Variants in PITPNC1 observed in about 807,000 individuals in gnomAD.
PITPNC1 encodes the protein cytoplasmic phosphatidylinositol transfer protein 1.
PITPNC1 carries 18 observed loss-of-function variants against 44.7 expected under a neutral mutation model. That is an observed-to-expected ratio of 0.40 (90% confidence interval 0.28 to 0.60). PITPNC1 has a LOEUF of 0.60. PITPNC1 is among the 20% of genes least tolerant of loss of function. The probability of loss-of-function intolerance (pLI) is 0.39; values close to 1 mark genes in which losing one functional copy is unlikely to be tolerated. For synonymous variants in PITPNC1, 141 were observed against 149.6 expected, an observed-to-expected ratio of 0.94 and a Z score of 0.42; for missense variants, 290 against 418.4, an observed-to-expected ratio of 0.69 and a Z score of 2.68.
chr17:67,697,101 A>G lies in PITPNC1; in HGVS notation c.*4213A>G, dbSNP rs1299204476. 6.6e-6 allele frequency: 1 copy of G among 152,124 alleles called. No individual in the cohort carries two copies. Among genetic ancestry groups the G allele is most frequent in the Non-Finnish European group, 1.5e-5 (1 of 68,008 alleles). 9.4% of individuals were successfully genotyped at this position (152,124 alleles called of 1,614,324 possible). A position where few individuals can be genotyped will look rare whatever the true frequency, so the allele number is the denominator to read the frequency against. On this transcript the variant is annotated 3_prime_UTR_variant, in exon 9 of 9. Transcript: ENST00000581322. Reference sequence around the variant, plus strand: ...CAGGTGTTGGAATACACAGCATTACAGACTATAAGCAAAGCAAACAAAAGT... The same window carrying G: ...CAGGTGTTGGAATACACAGCATTACGGACTATAAGCAAAGCAAACAAAAGT...
At chr17:67,477,596 T>C (rs1598722807) in intron 1 of PITPNC1, among the ~76,000 whole-genome samples, 1 of 151,712 alleles carries the variant, frequency 6.6e-6, no homozygotes, top group African/African-American at 2.4e-5. Flanking sequence ...GACAGGGTCT[T>C]GCTATGTTGC....
At chr17:67,388,600 A>G (rs941471108) in intron 1 of PITPNC1, among the ~76,000 whole-genome samples, 2 of 150,346 alleles carry the variant, frequency 1.3e-5, no homozygotes, top group African/African-American at 2.5e-5. Context: ...GATTACAGGC[A>G]TGAGCCACTG....
chr17:67,684,150 C>T (rs1375245875), intron 8 of PITPNC1, among the ~76,000 whole-genome samples: 1 of 138,244 alleles, frequency 7.2e-6, no homozygotes, highest in East Asian at 2.1e-4. Flanking sequence ...CTTGCTCTGT[C>T]GCCCAGGCTG....
chr17:67,407,128 T>A (rs2038412545), intron 1 of PITPNC1, among the ~76,000 whole-genome samples: 1 of 152,174 alleles, frequency 6.6e-6, no homozygotes, highest in Non-Finnish European at 1.5e-5. Flanking sequence ...CATTCCCACC[T>A]ACAGTGTACG....
At chr17:67,550,697 C>T (rs1407318113) in intron 2 of PITPNC1, among the ~76,000 whole-genome samples, 1 of 151,966 alleles carries the variant, frequency 6.6e-6, no homozygotes, top group African/African-American at 2.4e-5. Context: ...AGCTATAGGC[C>T]CCAGAGTAGA....
intron 1 of PITPNC1, among the ~76,000 whole-genome samples, chr17:67,518,011 T>C (rs1456144395): frequency 6.6e-6 from 1 of 152,196 alleles, no homozygotes; most frequent in East Asian, 1.9e-4. Flanking sequence ...AAGGAAAACA[T>C]GAAAAATGCA....
chr17:67,694,145 A>C lies in PITPNC1; in HGVS notation c.*1257A>C, dbSNP rs570526727. 4 of 152,352 alleles carry C rather than the reference A, an allele frequency of 2.6e-5. No individual in the cohort carries two copies. The East Asian group carries it at 7.7e-4, about 29-fold the overall frequency. The allele number at this position is 152,352 out of a possible 1,614,324, so 9.4% of individuals were successfully genotyped here. A position where few individuals can be genotyped will look rare whatever the true frequency, so the allele number is the denominator to read the frequency against. On this transcript the variant is annotated 3_prime_UTR_variant, in exon 9 of 9. Coordinates refer to ENST00000581322, the MANE Select transcript of PITPNC1 (RefSeq NM_012417.4). ...TTAGAATCAAGGTTGACAGGAGGCAAGGTCACTCACTGAAGTGACAGAAAG... is the reference window on the plus strand; with the variant it reads ...TTAGAATCAAGGTTGACAGGAGGCACGGTCACTCACTGAAGTGACAGAAAG...
chr17:67,427,694 G>A (rs2143886214), intron 1 of PITPNC1, among the ~76,000 whole-genome samples: 1 of 152,262 alleles, frequency 6.6e-6, no homozygotes, highest in African/African-American at 2.4e-5. Flanking sequence ...CACTCCTACA[G>A]CTAAAAATAA....
chr17:67,426,100 T>G (rs568960975), intron 1 of PITPNC1, among the ~76,000 whole-genome samples: 1 of 152,308 alleles, frequency 6.6e-6, no homozygotes, highest in African/African-American at 2.4e-5. Context: ...GAAATTCTTT[T>G]GAATATAAAT....
At chr17:67,661,887 T>C (rs1339626813) in intron 6 of PITPNC1, among the ~76,000 whole-genome samples, 3 of 151,672 alleles carry the variant, frequency 2.0e-5, no homozygotes, top group Non-Finnish European at 4.4e-5. Context: ...TCCAGTTACT[T>C]GGGAGGCTGA....
chr17:67,594,649 C>G (rs887046922), intron 5 of PITPNC1, among the ~76,000 whole-genome samples: 1 of 152,178 alleles, frequency 6.6e-6, no homozygotes, highest in Non-Finnish European at 1.5e-5. Context: ...CTTGGCACAG[C>G]TCTGTTCCAA....
intron 1 of PITPNC1, among the ~76,000 whole-genome samples, chr17:67,522,021 G>T (rs763608318): frequency 6.6e-6 from 1 of 152,004 alleles, no homozygotes; most frequent in Admixed American, 6.6e-5. Context: ...AAGACCTCTC[G>T]GGCTGGGCAT....
chr17:67,584,794 AG>A (rs1233006878), intron 5 of PITPNC1, among the ~76,000 whole-genome samples: 1 of 152,186 alleles, frequency 6.6e-6, no homozygotes, highest in East Asian at 1.9e-4. Flanking sequence ...CATTAGGAGA[AG>A]GATCGGGGAT....
At chr17:67,427,490 G>A (rs1009550488) in intron 1 of PITPNC1, among the ~76,000 whole-genome samples, 3 of 152,228 alleles carry the variant, frequency 2.0e-5, no homozygotes, top group Non-Finnish European at 4.4e-5. Context: ...GGTATTACAG[G>A]CATGAGCCAC....
Position 67,565,336 on chromosome 17 carries a change from G to GT in PITPNC1, c.294+11725dup, listed in dbSNP as rs1385875229. 3.6e-5 allele frequency among the ~76,000 whole-genome samples: 5 copies of GT among 140,238 alleles called. No homozygotes were observed. The East Asian group carries it at 8.5e-4, about 24-fold the overall frequency. The allele number at this position is 140,238 out of a possible 152,430, so 92.0% of individuals were successfully genotyped here. A position where few individuals can be genotyped will look rare whatever the true frequency, so the allele number is the denominator to read the frequency against. ...TCAGTGTGTATACTAGTTTTTCCAT[G>GT]TTTTTTCAGTGTGTATACTTGTTTT... is the stretch of plus-strand genomic sequence containing the variant. On this transcript the variant is annotated intron_variant, in intron 4 of 8. Coordinates refer to ENST00000581322, the MANE Select transcript of PITPNC1 (RefSeq NM_012417.4).
At chr17:67,435,816 T>C (rs1217897904) in intron 1 of PITPNC1, among the ~76,000 whole-genome samples, 9 of 152,028 alleles carry the variant, frequency 5.9e-5, no homozygotes, top group South Asian at 2.1e-4. Flanking sequence ...CATGCCACTG[T>C]ACTCCAGCCT....
chr17:67,511,717 C>T (rs191208073), intron 1 of PITPNC1, among the ~76,000 whole-genome samples: 2 of 152,266 alleles, frequency 1.3e-5, no homozygotes, highest in Admixed American at 1.3e-4. Context: ...GCATGTTGGC[C>T]AAGCTGGTCT....
At chr17:67,529,236 G>C (rs145826192) in intron 1 of PITPNC1, among the ~76,000 whole-genome samples, 5 of 152,202 alleles carry the variant, frequency 3.3e-5, no homozygotes, top group Admixed American at 6.5e-5. Context: ...AAGCACTCGA[G>C]CTGAGCCCAG....
chr17:67,407,513 C>A (rs945518742), intron 1 of PITPNC1, among the ~76,000 whole-genome samples: 4 of 152,048 alleles, frequency 2.6e-5, no homozygotes, highest in African/African-American at 7.2e-5. Context: ...ATTTAAAAAT[C>A]TAAAATAAGG....
Sources: allele counts gnomAD v4.1 joint callset (sites outside exome capture counted in the v4.1 genomes callset), GRCh38; gene constraint gnomAD v4.1.1; transcripts MANE v1.5; gene names NCBI Gene and HGNC (gene_info 2026-07-23, HGNC 2026-07-21).